The following FBXW7 variants were observed in gnomAD, a reference collection of about 807,000 sequenced individuals.
FBXW7 encodes F-box and WD repeat domain containing 7.
A neutral mutation model predicts 86.3 loss-of-function variants in FBXW7; 11 were observed. That is an observed-to-expected ratio of 0.13 (90% confidence interval 0.08 to 0.21). The LOEUF is 0.21. Ranked by LOEUF, FBXW7 falls within the 10% of genes least tolerant of loss-of-function variation. FBXW7 has a pLI of 1.00. For synonymous variants in FBXW7, 313 were observed against 297.9 expected, an observed-to-expected ratio of 1.05 and a Z score of -0.52; for missense variants, 488 against 847.4, an observed-to-expected ratio of 0.58 and a Z score of 5.27.
intron 2 of FBXW7, among the ~76,000 whole-genome samples, chr4:152,474,172 T>C (rs1425318909): frequency 6.6e-6 from 1 of 152,146 alleles, no homozygotes; most frequent in African/African-American, 2.4e-5. Context: ...CTAGTAACAT[T>C]AAAGATCTCA....
At chr4:152,522,714 T>C (rs185849438) in intron 2 of FBXW7, among the ~76,000 whole-genome samples, 1 of 152,350 alleles carries the variant, frequency 6.6e-6, no homozygotes, top group Admixed American at 6.5e-5. Flanking sequence ...CTGTTATAGA[T>C]TGTTATATAC....
intron 2 of FBXW7, among the ~76,000 whole-genome samples, chr4:152,490,514 A>C (rs1041245674): frequency 2.0e-5 from 3 of 152,100 alleles, no homozygotes; most frequent in African/African-American, 7.2e-5. Flanking sequence ...CTCTGTTTTA[A>C]TGAGGAAGAA....
chr4:152,334,996 T>C (rs1729929049), intron 7 of FBXW7, among the ~76,000 whole-genome samples: 1 of 152,192 alleles, frequency 6.6e-6, no homozygotes, highest in African/African-American at 2.4e-5. Context: ...TCAACAAGGT[T>C]ATGTCTTACA....
rs138677619 is a variant in FBXW7 at position 152,480,148 on chromosome 4, C to T, written c.-120+54793G>A. On this transcript the variant is annotated intron_variant, in intron 2 of 13. Transcript: ENST00000281708. ...TTGTGCAACCCTGCATTGGGCAAGTCTATTTGGTGCAATTTTTCAAATAGC... is the reference window on the plus strand; with the variant it reads ...TTGTGCAACCCTGCATTGGGCAAGTTTATTTGGTGCAATTTTTCAAATAGC... Among the ~76,000 whole-genome samples, 65 of 152,226 alleles carry T rather than the reference C, an allele frequency of 4.3e-4. No individual in the cohort carries two copies. The East Asian group carries it at 0.01, about 24-fold the overall frequency.
At chr4:152,483,829 A>C (rs74289471) in intron 2 of FBXW7, among the ~76,000 whole-genome samples, 2,080 of 152,232 alleles carry the variant, frequency 0.014, 25 homozygotes, top group Middle Eastern at 0.037. Context: ...GTATCACTAG[A>C]ATGGTGTTTT....
At chr4:152,487,570 C>T (rs1000378881) in intron 2 of FBXW7, among the ~76,000 whole-genome samples, 3 of 151,906 alleles carry the variant, frequency 2.0e-5, no homozygotes, top group Non-Finnish European at 4.4e-5. Flanking sequence ...GTATTGAAAA[C>T]TTACAGGATA....
intron 5 of FBXW7, chr4:152,348,817 G>T: frequency 2.3e-6 from 1 of 427,486 alleles, no homozygotes; most frequent in Non-Finnish European, 3.8e-6. Context: ...GAAGTGAATA[G>T]TTTCACTTGT....
rs551762314 is a variant in FBXW7, at chr4:152,423,882, A to T, written c.-119-11353T>A. Among the ~76,000 whole-genome samples the T allele has an allele frequency of 2.0e-5, 3 of 151,614 alleles. No homozygotes were observed. The South Asian group carries it at 6.2e-4, about 31-fold the overall frequency. On this transcript the variant is annotated intron_variant, in intron 2 of 13. Transcript: ENST00000281708. ...GAGTCACTAGAGGAGGTTCTGGAAT[A>T]GAATGTTCTATTTTTTTATTTGAGT...
intron 12 of FBXW7, 126 bp downstream of exon 12, chr4:152,325,880 A>C: frequency 1.5e-6 from 1 of 652,506 alleles, no homozygotes; most frequent in Non-Finnish European, 2.5e-6. Flanking sequence ...GTATATAAAA[A>C]CAGCAGAATA....
intron 4 of FBXW7, among the ~76,000 whole-genome samples, chr4:152,353,385 T>G (rs1221650003): frequency 1.3e-5 from 2 of 152,210 alleles, no homozygotes; most frequent in African/African-American, 4.8e-5. Flanking sequence ...ACTGCGTATT[T>G]TGGTATTGAT....
intron 2 of FBXW7, among the ~76,000 whole-genome samples, chr4:152,475,003 G>A (rs1258498319): frequency 6.6e-6 from 1 of 152,086 alleles, no homozygotes; most frequent in East Asian, 1.9e-4. Context: ...TCAGGAGGCT[G>A]AAGTGGGAGA....
At chr4:152,381,358 AAGAT>A (rs1735056631) in intron 4 of FBXW7, among the ~76,000 whole-genome samples, 1 of 152,238 alleles carries the variant, frequency 6.6e-6, no homozygotes, top group Non-Finnish European at 1.5e-5. Flanking sequence ...AACGCACAAA[AAGAT>A]AGAACCCTAA....
intron 2 of FBXW7, among the ~76,000 whole-genome samples, chr4:152,475,447 A>T (rs1162415494): frequency 6.6e-6 from 1 of 152,084 alleles, no homozygotes; most frequent in Non-Finnish European, 1.5e-5. Context: ...ACTAATAATA[A>T]AAGAGTAATA....
At chr4:152,366,737 G>C (rs1579006647) in intron 4 of FBXW7, among the ~76,000 whole-genome samples, 1 of 151,976 alleles carries the variant, frequency 6.6e-6, no homozygotes, top group East Asian at 1.9e-4. Flanking sequence ...GATTCTTCAA[G>C]GATCTAGATA....
At chr4:152,483,315 C>A (rs545438779) in intron 2 of FBXW7, among the ~76,000 whole-genome samples, 1 of 151,026 alleles carries the variant, frequency 6.6e-6, no homozygotes, top group East Asian at 1.9e-4. Context: ...ATAGTCTGAT[C>A]TTGTTAAAAT....
intron 11 of FBXW7, 103 bp from the exon 12 acceptor site, chr4:152,326,334 C>CA: frequency 9.1e-6 from 5 of 548,984 alleles, no homozygotes; most frequent in African/African-American, 2.2e-5. Flanking sequence ...GGTTTTTTAG[C>CA]TTTTTTTTTT....
At chr4:152,432,880 A>C (rs902207995) in intron 2 of FBXW7, among the ~76,000 whole-genome samples, 25 of 152,206 alleles carry the variant, frequency 1.6e-4, no homozygotes, top group African/African-American at 5.1e-4. Context: ...TCCCATTCCC[A>C]TTCTAATCAC....
intron 2 of FBXW7, among the ~76,000 whole-genome samples, chr4:152,482,441 T>C (rs116418967): frequency 2.2e-3 from 332 of 152,356 alleles, no homozygotes; most frequent in African/African-American, 7.5e-3. Flanking sequence ...ATGCCTGTGA[T>C]TGCAATCATT....
intron 2 of FBXW7, among the ~76,000 whole-genome samples, chr4:152,527,593 A>T (rs911577735): frequency 4.6e-5 from 7 of 152,002 alleles, no homozygotes; most frequent in Non-Finnish European, 8.8e-5. Flanking sequence ...ATATAGTGAG[A>T]CCCTGTCTTT....
Sources: gnomAD v4.1 joint callset for allele counts (sites outside exome capture counted in the v4.1 genomes callset) on GRCh38, gnomAD v4.1.1 for gene constraint, MANE v1.5 for transcripts, NCBI Gene and HGNC (gene_info 2026-07-23, HGNC 2026-07-21) for gene names.